SVOP: variants seen among roughly 807,000 people sequenced by gnomAD.
SVOP encodes the protein SV2 related protein, also known as synaptic vesicle 2-related protein.
SVOP carries 17 observed loss-of-function variants against 69.1 expected under a neutral mutation model. That is an observed-to-expected ratio of 0.25 (90% CI 0.17 to 0.37). The LOEUF (loss-of-function observed/expected upper bound fraction) is 0.37, where lower values mean the gene tolerates loss of function less well. Ranked by LOEUF, SVOP falls within the 10% of genes least tolerant of loss-of-function variation. The pLI is 1.00. For missense variants in SVOP, 435 were observed against 597.5 expected (o/e 0.73, Z 2.84); for synonymous variants, 238 against 238.6 (o/e 1.00, Z 0.02).
chr12:109,002,554 A>C (rs1217382988), intron 1 of SVOP, among the ~76,000 whole-genome samples: 1 of 147,744 alleles, frequency 6.8e-6, no homozygotes, highest in Non-Finnish European at 1.5e-5. Flanking sequence ...ACTTGGAACC[A>C]ACCCAAATGT....
intron 15 of SVOP, among the ~76,000 whole-genome samples, chr12:108,913,194 T>C (rs1437726570): frequency 6.6e-6 from 1 of 152,126 alleles, no homozygotes; most frequent in African/African-American, 2.4e-5. Context: ...CCCAAGTAGC[T>C]GGGATTACAG....
chr12:108,993,307 T>C (rs2040212767), intron 1 of SVOP, among the ~76,000 whole-genome samples: 1 of 150,112 alleles, frequency 6.7e-6, no homozygotes, highest in Non-Finnish European at 1.5e-5. Context: ...GGTGCCCAGC[T>C]GCAAGACCCC....
chr12:108,922,598 G>T, intron 12 of SVOP, 92 bp downstream of exon 12: 1 of 886,948 alleles, frequency 1.1e-6, no homozygotes, highest in Non-Finnish European at 1.8e-6. Context: ...AATGGGATTT[G>T]CTTCCAGGTA....
chr12:108,996,465 A>T (rs1207230274), intron 1 of SVOP, among the ~76,000 whole-genome samples: 1 of 152,052 alleles, frequency 6.6e-6, no homozygotes, highest in Non-Finnish European at 1.5e-5. Context: ...GGCTGAGGCA[A>T]GAGAATCGCT....
Position 108,961,139 on chromosome 12 carries a change from C to T in SVOP, c.454-92G>A, listed in dbSNP as rs797020511. The stretch of plus-strand genomic sequence containing the variant: ...CTGAGAGCCGCCGATAATGGGGTCA[C>T]ATTAAAGGGAGCCTACACAACCAAG... On this transcript the variant is annotated intron_variant, in intron 5 of 15. Coordinates refer to ENST00000610966, the MANE Select transcript of SVOP (RefSeq NM_018711.5). 30 of 1,425,190 alleles carry T rather than the reference C, an allele frequency of 2.1e-5. No individual in the cohort carries two copies. The African/African-American group carries it at 3.3e-4, about 16-fold the overall frequency. 88.3% of individuals were successfully genotyped at this position (1,425,190 alleles called of 1,614,324 possible). A position where few individuals can be genotyped will look rare whatever the true frequency, so the allele number is the denominator to read the frequency against.
intron 13 of SVOP, 78 bp from the exon 14 acceptor site, chr12:108,918,202 T>A (rs1458766627): frequency 3.3e-6 from 4 of 1,199,244 alleles, no homozygotes; most frequent in Non-Finnish European, 4.6e-6. Flanking sequence ...TCCCAGGCAG[T>A]ATCAATGCCC....
chr12:108,930,574 A>T (rs1001278820), intron 11 of SVOP, among the ~76,000 whole-genome samples: 3 of 151,676 alleles, frequency 2.0e-5, no homozygotes, highest in African/African-American at 7.3e-5. Flanking sequence ...AGCTGGGATT[A>T]TAGGCATGTG....
At chr12:109,012,799 T>G (rs1400047252) in intron 1 of SVOP, among the ~76,000 whole-genome samples, 1 of 152,078 alleles carries the variant, frequency 6.6e-6, no homozygotes, top group Non-Finnish European at 1.5e-5. Context: ...CGTGGTGTCA[T>G]GTGCCTGTAG....
At chr12:108,933,572 TG>T (rs1311801699) in intron 11 of SVOP, among the ~76,000 whole-genome samples, 1 of 151,866 alleles carries the variant, frequency 6.6e-6, no homozygotes, top group Non-Finnish European at 1.5e-5. Context: ...CCCAGCTACT[TG>T]GGAGGCTGAG....
chr12:108,943,707 C>T (rs2039906050), intron 7 of SVOP, among the ~76,000 whole-genome samples: 1 of 152,008 alleles, frequency 6.6e-6, no homozygotes, highest in African/African-American at 2.4e-5. Flanking sequence ...TGAGAGAGGA[C>T]AGAGTGTCAG....
chr12:109,012,543 AT>A (rs944616593), intron 1 of SVOP, among the ~76,000 whole-genome samples: 7 of 152,308 alleles, frequency 4.6e-5, no homozygotes, highest in African/African-American at 1.7e-4. Flanking sequence ...TCAATTTAAC[AT>A]TTTTTAAAAT....
At chr12:108,937,702 C>T (rs2039864602) in intron 9 of SVOP, among the ~76,000 whole-genome samples, 1 of 152,172 alleles carries the variant, frequency 6.6e-6, no homozygotes, top group South Asian at 2.1e-4. Context: ...CACACATGTG[C>T]CTTCCCCAGT....
At chr12:108,954,589 G>A (rs1003026149) in intron 6 of SVOP, among the ~76,000 whole-genome samples, 5 of 152,038 alleles carry the variant, frequency 3.3e-5, no homozygotes, top group African/African-American at 4.8e-5. Context: ...TTGTAGTCCC[G>A]CCCCTTTGCT....
chr12:108,912,206 G>T lies in SVOP; in HGVS notation c.*329C>A. 1 of 1,191,296 alleles carries T rather than the reference G, an allele frequency of 8.4e-7. No homozygotes were observed. Among genetic ancestry groups the T allele is most frequent in the South Asian group, 2.4e-5 (1 of 41,594 alleles). The allele number at this position is 1,191,296 out of a possible 1,614,324, so 73.8% of individuals were successfully genotyped here. A position where few individuals can be genotyped will look rare whatever the true frequency, so the allele number is the denominator to read the frequency against. The stretch of plus-strand genomic sequence containing the variant: ...GAGATATTTTGGTTGTTCACTGAGG[G>T]TTTGGCCGGGTGACTCTGGGTGGTG... On this transcript the variant is annotated 3_prime_UTR_variant, in exon 16 of 16. Transcript: ENST00000610966.
intron 1 of SVOP, among the ~76,000 whole-genome samples, chr12:109,018,105 GATGAATGAATGA>G (rs3059703): frequency 9.0e-6 from 1 of 110,638 alleles, no homozygotes; most frequent in Admixed American, 8.2e-5. Flanking sequence ...AGAATGGATG[GATGAATGAATGA>G]ATGAATGAAT....
intron 6 of SVOP, among the ~76,000 whole-genome samples, chr12:108,956,096 C>T (rs1274515332): frequency 2.0e-5 from 3 of 151,824 alleles, no homozygotes; most frequent in Non-Finnish European, 4.4e-5. Context: ...GTCAGGAGAT[C>T]GAGACCATCC....
chr12:108,935,244 G>T (rs1422658543), intron 10 of SVOP, among the ~76,000 whole-genome samples: 1 of 152,168 alleles, frequency 6.6e-6, no homozygotes, highest in Non-Finnish European at 1.5e-5. Context: ...ATTCCTGGCT[G>T]ACCCAGAAAT....
chr12:108,915,943 T>A (rs537903368), intron 14 of SVOP, 71 bp from the exon 15 acceptor site: 1 of 1,416,484 alleles, frequency 7.1e-7, no homozygotes, highest in African/African-American at 1.4e-5. Flanking sequence ...TCCAAGCTGA[T>A]AGGACCAACC....
chr12:108,977,333 A>G lies in SVOP; in HGVS notation c.381+65T>C, dbSNP rs36187257. On this transcript the variant is annotated intron_variant, in intron 4 of 15. Transcript: ENST00000610966. ...CCTTCGGCAGCAGGAGAAGGGAGAT[A>G]TCCCACAGGACACCCCAGGGGAGCA... 2,401 of 1,503,540 alleles carry G rather than the reference A, an allele frequency of 1.6e-3. 5 individuals carry two copies. The highest frequency in any genetic ancestry group is 6.2e-3 in the Middle Eastern group (29 of 4,644). 93.1% of individuals were successfully genotyped at this position (1,503,540 alleles called of 1,614,324 possible).
Sources: allele counts gnomAD v4.1 joint callset (sites outside exome capture counted in the v4.1 genomes callset), GRCh38; gene constraint gnomAD v4.1.1; transcripts MANE v1.5; gene names NCBI Gene and HGNC (gene_info 2026-07-23, HGNC 2026-07-21).